Variants in FAT4 observed in about 807,000 individuals in gnomAD.
FAT4 encodes protocadherin Fat 4.
FAT4 carries 84 observed loss-of-function variants against 303.9 expected under a neutral mutation model. The ratio of observed to expected loss-of-function variants is 0.28; its 90% confidence interval spans 0.23 to 0.33. The LOEUF (loss-of-function observed/expected upper bound fraction) is 0.33. Ranked by LOEUF, FAT4 falls within the 10% of genes least tolerant of loss-of-function variation. FAT4 has a pLI of 1.00. For missense variants in FAT4, 6,005 were observed against 6,146.8 expected (o/e 0.98, Z 0.77); for synonymous variants, 2,307 against 2,298.8 (o/e 1.00, Z -0.10).
In FAT4 at chr4:125,439,914, A is replaced by T. The variant is rs146618878; in HGVS notation, c.7199+5489A>T. Among the ~76,000 whole-genome samples, 12 of 152,332 alleles carry T rather than the reference A, an allele frequency of 7.9e-5. No homozygotes were observed. In the East Asian group the frequency reaches 2.1e-3, roughly 27 times the overall value. On this transcript the variant is annotated intron_variant, in intron 8 of 17. Transcript: ENST00000394329. ...TTAGTTTCTGCATCAATAAAAATGA[A>T]CATAAAAATTTATACTTTACAGTTT...
In FAT4 at chr4:125,407,114, T is replaced by G. The variant is rs984040843; in HGVS notation, c.5542T>G (p.Phe1848Val). The G allele has an allele frequency of 6.2e-7, 1 of 1,613,472 alleles. No homozygotes were observed. Among genetic ancestry groups the G allele is most frequent in the Non-Finnish European group, 8.5e-7 (1 of 1,179,536 alleles). ...CAAATTTTCCAGACCCGTGTACTCT[T>G]TTGACATTCCTGAGGACACAATCCC... is the stretch of plus-strand genomic sequence containing the variant. ...TPKFSRPVYS[F>V]DIPEDTIPGS... Residue 1848 changes from phenylalanine to valine, a missense_variant, in exon 4 of 18, where the codon TTT becomes GTT. Physicochemically the swap from Phe to Val is conservative, Grantham distance 50 (BLOSUM62 -1). Transcript: ENST00000394329.
At position 125,317,559 on chromosome 4, in the gene FAT4, C is replaced by A; in HGVS notation, c.1148C>A (p.Thr383Lys). 2 of 1,613,888 alleles carry A rather than the reference C, an allele frequency of 1.2e-6. No individual in the cohort carries two copies. Among genetic ancestry groups the A allele is most frequent in the Non-Finnish European group, 1.7e-6 (2 of 1,180,002 alleles). ...ACCGTGGTGGCTCTGCTCACCGTGA[C>A]GGACGCAGATTCTCCCGCGGCCAAC... ...VGTVVALLTV[T>K]DADSPAANGN... Residue 383 changes from threonine (T) to lysine (K), a missense_variant, in exon 2 of 18, where the codon ACG becomes AAG. Physicochemically the swap from Thr to Lys is moderately conservative, Grantham distance 78. Coordinates refer to ENST00000394329, the MANE Select transcript of FAT4 (RefSeq NM_001291303.3). This position sits in a 1 kb window ranked among gnomAD's most constrained non-coding sequence, Gnocchi z 7.0.
At position 125,451,017 on chromosome 4, in the gene FAT4, A is replaced by G. The variant is rs1356113701; in HGVS notation, c.10007A>G (p.His3336Arg). 3.1e-6 allele frequency: 5 copies of G among 1,614,106 alleles called. No homozygotes were observed. The highest frequency in any genetic ancestry group is 1.1e-5 in the South Asian group (1 of 91,082). The change falls in exon 10 of 18, where the codon CAC (histidine) becomes CGC (arginine). Residue 3336 changes from histidine (H) to arginine (R), a missense_variant. Transcript: ENST00000394329. ...GATTTGGGCACTGATGGGGAGGTAC[A>G]CTATTTGATTTTTGGTAATAGTCGA... ...DRDLGTDGEV[H>R]YLIFGNSRKK...
chr4:125,441,873 G>A (rs900072126), intron 8 of FAT4, among the ~76,000 whole-genome samples: 16 of 152,136 alleles, frequency 1.1e-4, no homozygotes, highest in African/African-American at 3.6e-4. Context: ...AGCCTTATAG[G>A]TTTGCTCAAT....
In FAT4 at chr4:125,448,565, C is replaced by T. The variant is rs757528137; in HGVS notation, c.7555C>T (p.Pro2519Ser). The change falls in exon 10 of 18, where the codon CCA (proline) becomes TCA (serine). Residue 2519 changes from proline to serine, a missense_variant. Pro to Ser is a moderately conservative substitution (Grantham distance 74, BLOSUM62 -1). Coordinates refer to ENST00000394329, the MANE Select transcript of FAT4 (RefSeq NM_001291303.3). ...AAATTCTGAAAAATTTCACATTGAC[C>T]CACTGAGGGGAGCCATTATGGCCGC... The part of the protein sequence containing the change: ...GRNSEKFHID[P>S]LRGAIMAAGP... 2 of 1,613,782 alleles carry T rather than the reference C, an allele frequency of 1.2e-6. No homozygotes were observed. Among genetic ancestry groups the T allele is most frequent in the African/African-American group, 1.3e-5 (1 of 74,972 alleles).
intron 2 of FAT4, among the ~76,000 whole-genome samples, chr4:125,331,314 C>A (rs1731374555): frequency 6.6e-6 from 1 of 152,126 alleles, no homozygotes; most frequent in Non-Finnish European, 1.5e-5. Context: ...GATAATGCTG[C>A]AAATATGCTG....
chr4:125,408,601 G>A lies in FAT4; in HGVS notation c.5727G>A (p.Gln1909=). The A allele has an allele frequency of 1.9e-6, 3 of 1,612,770 alleles. No individual in the cohort carries two copies. The highest frequency in any genetic ancestry group is 2.5e-6 in the Non-Finnish European group (3 of 1,179,306). Residue 1909 remains glutamine, a synonymous_variant, in exon 5 of 18, where the codon CAG becomes CAA. Coordinates refer to ENST00000394329, the MANE Select transcript of FAT4 (RefSeq NM_001291303.3). ...NLTRLLDYEV[Q]QYYILTVRAE... Reference sequence around the variant, plus strand: ...CTCGATTATTAGATTATGAAGTACAGCAATATTATATCCTCACTGTTCGAG... The same window carrying A: ...CTCGATTATTAGATTATGAAGTACAACAATATTATATCCTCACTGTTCGAG...
At chr4:125,403,549 T>C (rs1186768115) in intron 3 of FAT4, among the ~76,000 whole-genome samples, 1 of 152,106 alleles carries the variant, frequency 6.6e-6, no homozygotes, top group Non-Finnish European at 1.5e-5. Flanking sequence ...TCTTGTGGCT[T>C]CAACTGACAC....
At position 125,450,671 on chromosome 4, in the gene FAT4, A is replaced by G; in HGVS notation, c.9661A>G (p.Thr3221Ala). ...AACAACAGTTATCCACCTAAATGCA[A>G]CAGATGCTGACTCTGGAACAAATGC... is the stretch of plus-strand genomic sequence containing the variant. ...SGTTVIHLNA[T>A]DADSGTNAVI... Residue 3221 changes from threonine to alanine, a missense_variant, in exon 10 of 18, where the codon ACA (threonine) becomes GCA (alanine). Transcript: ENST00000394329. 6.2e-7 allele frequency: 1 copy of G among 1,614,080 alleles called. No homozygotes were observed. The highest frequency in any genetic ancestry group is 1.3e-5 in the African/African-American group (1 of 75,040).
chr4:125,454,615 C>A (rs1004864863), intron 10 of FAT4, among the ~76,000 whole-genome samples: 1 of 152,130 alleles, frequency 6.6e-6, no homozygotes, highest in Non-Finnish European at 1.5e-5. Flanking sequence ...AGGTGGATCA[C>A]CTGAGGTCAG....
intron 7 of FAT4, among the ~76,000 whole-genome samples, chr4:125,422,594 T>C (rs1386113129): frequency 6.6e-6 from 1 of 152,208 alleles, no homozygotes; most frequent in African/African-American, 2.4e-5. Context: ...TGTAAGTTTC[T>C]TGAGGCCTTC....
At chr4:125,475,254 T>C (rs936692890) in intron 12 of FAT4, among the ~76,000 whole-genome samples, 1 of 140,366 alleles carries the variant, frequency 7.1e-6, no homozygotes, top group East Asian at 1.9e-4. Context: ...TGTATCACAA[T>C]AGCATTGGAG....
chr4:125,475,115 G>A (rs1857901), intron 12 of FAT4, among the ~76,000 whole-genome samples: 56,251 of 151,726 alleles, frequency 0.37, 10,618 homozygotes, highest in East Asian at 0.58. Flanking sequence ...TTGTCCATTT[G>A]GATAATGAAT....
At chr4:125,390,671 A>G (rs1440655774) in intron 2 of FAT4, among the ~76,000 whole-genome samples, 1 of 152,212 alleles carries the variant, frequency 6.6e-6, no homozygotes, top group Admixed American at 6.5e-5. Flanking sequence ...ATAATGACCT[A>G]TTAAGGGCAA....
At chr4:125,338,980 A>T (rs1192908643) in intron 2 of FAT4, among the ~76,000 whole-genome samples, 3 of 152,114 alleles carry the variant, frequency 2.0e-5, no homozygotes, top group Non-Finnish European at 1.5e-5. Flanking sequence ...GAGGCTGCTT[A>T]TCAGTCCTGA....
intron 8 of FAT4, among the ~76,000 whole-genome samples, chr4:125,444,263 C>A (rs1725754146): frequency 6.6e-6 from 1 of 152,086 alleles, no homozygotes; most frequent in Admixed American, 6.6e-5. Flanking sequence ...ATGGGGCCTG[C>A]TTTTGGTGAG....
Position 125,316,801 on chromosome 4 carries a change from C to T in FAT4, c.390C>T (p.Asp130=), listed in dbSNP as rs373639016. 7.6e-5 allele frequency: 123 copies of T among 1,613,950 alleles called. No individual in the cohort carries two copies. Among genetic ancestry groups the T allele is most frequent in the Admixed American group, 1.8e-4 (11 of 59,988 alleles). Residue 130 remains aspartate, a synonymous_variant, in exon 2 of 18, where the codon GAC becomes GAT. Transcript: ENST00000394329. The surrounding 1 kb of genome is among the most constrained non-coding windows in gnomAD (Gnocchi z 5.7). ...EVRVLVRDLN[D]NAPVFPDPSI... ...GAGTGCTGGTGCGGGACCTCAATGA[C>T]AACGCCCCCGTTTTCCCGGACCCCT...
rs1161544615 is a variant in FAT4 at position 125,450,266 on chromosome 4, T to C, written c.9256T>C (p.Tyr3086His). 3.1e-6 allele frequency: 5 copies of C among 1,614,076 alleles called. No individual in the cohort carries two copies. Among genetic ancestry groups the C allele is most frequent in the Admixed American group, 3.3e-5 (2 of 60,014 alleles). The change falls in exon 10 of 18, where the codon TAC becomes CAC. Residue 3086 changes from tyrosine to histidine, a missense_variant. Coordinates refer to ENST00000394329, the MANE Select transcript of FAT4 (RefSeq NM_001291303.3). ...TVHITVTEENYHTPEFSQSHM... is the reference protein window; with the variant it reads ...TVHITVTEENHHTPEFSQSHM... ...TCACATAACTGTCACTGAGGAAAACTACCATACACCTGAATTCTCTCAAAG... is the reference window on the plus strand; with the variant it reads ...TCACATAACTGTCACTGAGGAAAACCACCATACACCTGAATTCTCTCAAAG...
At chr4:125,390,482 A>C (rs1733937938) in intron 2 of FAT4, among the ~76,000 whole-genome samples, 1 of 152,136 alleles carries the variant, frequency 6.6e-6, no homozygotes, top group Non-Finnish European at 1.5e-5. Flanking sequence ...TTCAATTTCA[A>C]CTCCTCACTT....
Sources: gnomAD v4.1 joint callset for allele counts (sites outside exome capture counted in the v4.1 genomes callset) on GRCh38, gnomAD v4.1.1 for gene constraint, Gnocchi (gnomAD v3.1) non-coding constraint, MANE v1.5 for transcripts, NCBI Gene and HGNC (gene_info 2026-07-23, HGNC 2026-07-21) for gene names.